The following RSPH14 variants were observed in gnomAD, a reference collection of about 807,000 sequenced individuals.
RSPH14 encodes the protein radial spoke head 14 homolog.
RSPH14 carries 20 observed loss-of-function variants against 26.7 expected under a neutral mutation model. The ratio of observed to expected loss-of-function variants is 0.75; its 90% CI spans 0.53 to 1.09. The LOEUF (loss-of-function observed/expected upper bound fraction) is 1.09, where lower values mean the gene tolerates loss of function less well. Ranked by LOEUF, RSPH14 falls within the 50% of genes least tolerant of loss-of-function variation. The pLI, the probability that RSPH14 is intolerant of heterozygous loss-of-function variation, is 0.00. For synonymous variants in RSPH14, 177 were observed against 189.3 expected (o/e 0.93, Z 0.53); for missense variants, 449 against 457.2 (o/e 0.98, Z 0.16).
chr22:23,082,205 T>C (rs972157539), intron 4 of RSPH14, among the ~76,000 whole-genome samples: 3 of 151,178 alleles, frequency 2.0e-5, no homozygotes, highest in Admixed American at 2.0e-4. Flanking sequence ...TTTTTCGTTG[T>C]GTTTTTTTGT....
chr22:23,127,835 C>A (rs1402076215), intron 4 of RSPH14, among the ~76,000 whole-genome samples: 1 of 152,190 alleles, frequency 6.6e-6, no homozygotes, highest in Non-Finnish European at 1.5e-5. Flanking sequence ...CCGCGGCACC[C>A]TCCCCTTCCC....
chr22:23,157,699 T>C, the RSPH14 span, among the ~76,000 whole-genome samples: 1 of 152,216 alleles, frequency 6.6e-6, no homozygotes, highest in African/African-American at 2.4e-5. Flanking sequence ...CCCTTAGCCG[T>C]AAGTGGCAGA....
chr22:23,173,625 T>G, the RSPH14 span, among the ~76,000 whole-genome samples: 1 of 109,044 alleles, frequency 9.2e-6, no homozygotes, highest in African/African-American at 3.6e-5. Flanking sequence ...ATTTTTGGTT[T>G]TTTGTTTTTT....
chr22:23,092,507 G>A (rs567238132), intron 4 of RSPH14, among the ~76,000 whole-genome samples: 1 of 152,260 alleles, frequency 6.6e-6, no homozygotes, highest in African/African-American at 2.4e-5. Context: ...ACCTCCCCTT[G>A]GTTGTGACTG....
intron 4 of RSPH14, among the ~76,000 whole-genome samples, chr22:23,081,461 A>G (rs1199745687): frequency 6.6e-6 from 1 of 152,198 alleles, no homozygotes; most frequent in African/African-American, 2.4e-5. Context: ...CAGCAGTCTC[A>G]GGTTTGATTG....
At chr22:23,068,319 G>C (rs1170867211) in intron 4 of RSPH14, among the ~76,000 whole-genome samples, 2 of 152,204 alleles carry the variant, frequency 1.3e-5, no homozygotes, top group Non-Finnish European at 2.9e-5. Context: ...CATGCCCCCA[G>C]AGCCCCAGTG....
At chr22:23,085,804 C>T (rs904630972) in intron 4 of RSPH14, among the ~76,000 whole-genome samples, 1 of 152,174 alleles carries the variant, frequency 6.6e-6, no homozygotes, top group East Asian at 1.9e-4. Context: ...GCAACACCAT[C>T]GAACCCTAGG....
the RSPH14 span, chr22:23,156,142 C>CCTCTGAG: frequency 1.2e-6 from 1 of 853,830 alleles, no homozygotes; most frequent in Non-Finnish European, 1.7e-6. Context: ...TTTTGTCCTC[C>CCTCTGAG]AAGACCCACT....
At chr22:23,159,828 C>T in the RSPH14 span, among the ~76,000 whole-genome samples, 1 of 152,238 alleles carries the variant, frequency 6.6e-6, no homozygotes, top group Non-Finnish European at 1.5e-5. Context: ...CTACCCCTGG[C>T]CATACTGGGT....
At chr22:23,087,560 A>G (rs1223767634) in intron 4 of RSPH14, among the ~76,000 whole-genome samples, 1 of 152,246 alleles carries the variant, frequency 6.6e-6, no homozygotes, top group African/African-American at 2.4e-5. Context: ...AGAGTAATTC[A>G]TGAAGAGCTG....
intron 4 of RSPH14, among the ~76,000 whole-genome samples, chr22:23,114,965 G>A (rs2069781400): frequency 6.6e-6 from 1 of 152,198 alleles, no homozygotes; most frequent in South Asian, 2.1e-4. Context: ...GGCAGGGCTG[G>A]GGGTTCCAGG....
At chr22:23,163,986 T>C in the RSPH14 span, 1 of 152,272 alleles carries the variant, frequency 6.6e-6, no homozygotes, top group Non-Finnish European at 1.5e-5. Context: ...TTTTAGCTCT[T>C]GCCAATGGTG....
At chr22:23,171,927 G>A in the RSPH14 span, among the ~76,000 whole-genome samples, 109 of 151,098 alleles carry the variant, frequency 7.2e-4, no homozygotes, top group Non-Finnish European at 1.1e-3. Context: ...GCACATATCT[G>A]TAGTCAGCTT....
At chr22:23,135,032 A>G (rs1371230109) in intron 3 of RSPH14, among the ~76,000 whole-genome samples, 1 of 152,100 alleles carries the variant, frequency 6.6e-6, no homozygotes, top group Admixed American at 6.6e-5. Context: ...TTAGCCAGGC[A>G]TGGTGGTGTG....
chr22:23,179,297 A>G, the RSPH14 span, among the ~76,000 whole-genome samples: 2 of 152,206 alleles, frequency 1.3e-5, no homozygotes, highest in African/African-American at 4.8e-5. Context: ...TCAGGACTCA[A>G]GCCCAGTAAT....
At position 23,140,345 on chromosome 22, in the gene RSPH14, G is replaced by A. The variant is rs1479164076; in HGVS notation, c.76C>T (p.Arg26Trp). 22 of 1,614,086 alleles carry A rather than the reference G, an allele frequency of 1.4e-5. No homozygotes were observed. Among genetic ancestry groups the A allele is most frequent in the East Asian group, 1.3e-4 (6 of 44,902 alleles). The change falls in exon 2 of 7, where the codon CGG (arginine) becomes TGG (tryptophan). Residue 26 changes from arginine to tryptophan, a missense_variant. Arg to Trp is a moderately radical substitution (Grantham distance 101, BLOSUM62 -3). Coordinates refer to ENST00000216036, the MANE Select transcript of RSPH14 (RefSeq NM_014433.3). Reference protein sequence around the residue: ...ATQITTAYGHRALPKLKEELQ... With the variant: ...ATQITTAYGHWALPKLKEELQ... ...TCCTCCTTCAGCTTGGGCAGGGCCC[G>A]ATGGCCATAGGCAGTGGTAATCTGG... is the stretch of plus-strand genomic sequence containing the variant.
At chr22:23,120,967 A>G (rs574566695) in intron 4 of RSPH14, among the ~76,000 whole-genome samples, 1 of 152,346 alleles carries the variant, frequency 6.6e-6, no homozygotes, top group Admixed American at 6.5e-5. Flanking sequence ...TTTCTATGAG[A>G]AATGACAGCT....
the RSPH14 span, among the ~76,000 whole-genome samples, chr22:23,175,001 T>A: frequency 0.053 from 4,598 of 86,180 alleles, 246 homozygotes; most frequent in African/African-American, 0.14. Flanking sequence ...AAAAAAAAAA[T>A]TTTTTTTTTT....
chr22:23,084,178 C>A (rs555024790), intron 4 of RSPH14, among the ~76,000 whole-genome samples: 7 of 152,236 alleles, frequency 4.6e-5, no homozygotes, highest in Admixed American at 3.9e-4. Flanking sequence ...GCTTTTTAGT[C>A]CAAAAATACA....
Sources: gnomAD v4.1 joint callset for allele counts (sites outside exome capture counted in the v4.1 genomes callset) on GRCh38, gnomAD v4.1.1 for gene constraint, MANE v1.5 for transcripts, NCBI Gene and HGNC (gene_info 2026-07-23, HGNC 2026-07-21) for gene names.